Variants in GTF2A1L observed in about 807,000 individuals in gnomAD.
The protein encoded by GTF2A1L is general transcription factor IIA subunit 1 like, also known as TFIIA-alpha and beta-like factor.
A neutral mutation model predicts 49.7 loss-of-function variants in GTF2A1L; 48 were observed. The observed-to-expected ratio is 0.97, with a 90% CI of 0.77 to 1.23. The LOEUF is 1.23. Ranked by LOEUF, GTF2A1L falls within the 50% of genes most tolerant of loss-of-function variation. The pLI, the probability that GTF2A1L is intolerant of heterozygous loss-of-function variation, is 0.00. For synonymous variants in GTF2A1L, 246 were observed against 193.5 expected, an observed-to-expected ratio of 1.27 and a Z score of -2.25; for missense variants, 736 against 564.8, an observed-to-expected ratio of 1.30 and a Z score of -3.07.
At chr2:48,671,744 A>C in intron 8 of GTF2A1L, 64 bp downstream of exon 8, 1 of 1,415,802 alleles carries the variant, frequency 7.1e-7, no homozygotes. Flanking sequence ...AGGTATGTAA[A>C]ATGATGGGAA....
At chr2:48,630,923 T>A (rs2104106842) in intron 3 of GTF2A1L, among the ~76,000 whole-genome samples, 1 of 152,326 alleles carries the variant, frequency 6.6e-6, no homozygotes, top group Admixed American at 6.5e-5. Flanking sequence ...AAATCATATT[T>A]ATTGATTTGC....
chr2:48,668,441 C>A (rs774429859), intron 6 of GTF2A1L: 1 of 152,014 alleles, frequency 6.6e-6, no homozygotes, highest in African/African-American at 2.4e-5. Context: ...ATAAAACAGC[C>A]CCTGATCTTA....
chr2:48,635,340 G>C (rs1187016741), intron 3 of GTF2A1L, among the ~76,000 whole-genome samples: 1 of 152,194 alleles, frequency 6.6e-6, no homozygotes, highest in Non-Finnish European at 1.5e-5. Flanking sequence ...GCATGGAGTG[G>C]AGATGACCCT....
intron 6 of GTF2A1L, among the ~76,000 whole-genome samples, chr2:48,665,525 T>G (rs572997363): frequency 6.6e-6 from 1 of 152,242 alleles, no homozygotes; most frequent in East Asian, 1.9e-4. Flanking sequence ...TGTTTTCATT[T>G]GCATTCAATT....
intron 6 of GTF2A1L, among the ~76,000 whole-genome samples, chr2:48,664,294 G>A (rs573723673): frequency 2.8e-4 from 42 of 151,734 alleles, no homozygotes; most frequent in South Asian, 8.3e-4. Context: ...TTATCAGATG[G>A]AAACAGTTTT....
At chr2:48,640,745 G>C (rs1174342730) in intron 3 of GTF2A1L, among the ~76,000 whole-genome samples, 1 of 152,036 alleles carries the variant, frequency 6.6e-6, no homozygotes, top group African/African-American at 2.4e-5. Flanking sequence ...CCAAAGTTAT[G>C]ACACTTTTAG....
chr2:48,626,912 A>G lies in GTF2A1L; in HGVS notation c.247+5622A>G, dbSNP rs188448297. ...TTTTTAAGATGCTATTGTAAATGAG[A>G]TTGTTTTTATGATTTTTTGGATAGG... On this transcript the variant is annotated intron_variant, in intron 3 of 8. Coordinates refer to ENST00000403751, the MANE Select transcript of GTF2A1L (RefSeq NM_006872.5). 4.0e-4 allele frequency among the ~76,000 whole-genome samples: 58 copies of G among 143,824 alleles called. 7 individuals are homozygous for G. In the Admixed American group the frequency reaches 4.1e-3, roughly 10 times the overall value. 94.4% of individuals were successfully genotyped at this position (143,824 alleles called of 152,430 possible).
At chr2:48,648,567 G>C (rs1468700778) in intron 6 of GTF2A1L, among the ~76,000 whole-genome samples, 1 of 151,994 alleles carries the variant, frequency 6.6e-6, no homozygotes, top group Admixed American at 6.6e-5. Flanking sequence ...CAAATTCTAG[G>C]TTCACTACTT....
intron 3 of GTF2A1L, among the ~76,000 whole-genome samples, chr2:48,623,392 A>T (rs950580586): frequency 1.3e-5 from 2 of 152,194 alleles, no homozygotes; most frequent in Non-Finnish European, 2.9e-5. Context: ...GTCTCACACT[A>T]GTCAGAATGG....
chr2:48,632,217 G>C (rs997437344), intron 3 of GTF2A1L: 1 of 152,040 alleles, frequency 6.6e-6, no homozygotes, highest in Non-Finnish European at 1.5e-5. Flanking sequence ...TCCCTCTATA[G>C]AAGTTATCTA....
chr2:48,631,130 C>T (rs1676545511), intron 3 of GTF2A1L, among the ~76,000 whole-genome samples: 1 of 152,114 alleles, frequency 6.6e-6, no homozygotes, highest in East Asian at 1.9e-4. Flanking sequence ...ACGCTGGCTT[C>T]ATAGAATGAG....
intron 6 of GTF2A1L, among the ~76,000 whole-genome samples, chr2:48,649,885 C>T (rs538747450): frequency 2.0e-5 from 3 of 152,200 alleles, no homozygotes; most frequent in Non-Finnish European, 4.4e-5. Flanking sequence ...AACACCAAAC[C>T]GTGAGTGATT....
chr2:48,646,506 G>T lies in GTF2A1L; in HGVS notation c.442G>T (p.Ala148Ser), dbSNP rs2104199712. Residue 148 changes from alanine to serine, a missense_variant, in exon 6 of 9, where the codon GCA (alanine) becomes TCA (serine). Ala to Ser is a moderately conservative substitution (Grantham distance 99). Transcript: ENST00000403751. ...TATGGTGACAGAGACTTCTGGAAGA[G>T]CAGGTATTCTTCAGCATCCAATTCA... The part of the protein sequence containing the change: ...PIMVTETSGR[A>S]GILQHPIQQV... The T allele has an allele frequency of 5.0e-6, 8 of 1,613,786 alleles. No individual in the cohort carries two copies. The highest frequency in any genetic ancestry group is 5.9e-6 in the Non-Finnish European group (7 of 1,179,966).
intron 6 of GTF2A1L, 141 bp downstream of exon 6, chr2:48,647,183 T>C (rs1037529476): frequency 3.6e-6 from 3 of 831,052 alleles, no homozygotes; most frequent in Non-Finnish European, 5.2e-6. Context: ...TTCTTTTTTC[T>C]AGTGATTTAA....
At chr2:48,621,445 C>A in intron 3 of GTF2A1L, 155 bp downstream of exon 3, 1 of 964,898 alleles carries the variant, frequency 1.0e-6, no homozygotes, top group Non-Finnish European at 1.4e-6. Context: ...AATCATTGCC[C>A]CATGTAATTA....
intron 3 of GTF2A1L, among the ~76,000 whole-genome samples, chr2:48,639,904 T>A (rs1241360466): frequency 1.3e-5 from 2 of 152,128 alleles, no homozygotes; most frequent in East Asian, 3.8e-4. Context: ...ACAGACACTT[T>A]TCAAAAGAAG....
intron 6 of GTF2A1L, among the ~76,000 whole-genome samples, chr2:48,648,445 A>G (rs1677659309): frequency 6.6e-6 from 1 of 152,008 alleles, no homozygotes; most frequent in African/African-American, 2.4e-5. Flanking sequence ...TATGTATTGT[A>G]TGTCATCATG....
chr2:48,669,740 G>A lies in GTF2A1L; in HGVS notation c.997G>A (p.Asp333Asn). Residue 333 changes from aspartate (D) to asparagine (N), a missense_variant, in exon 7 of 9, where the codon GAT becomes AAT. Transcript: ENST00000403751. The part of the protein sequence containing the change: ...VSEKDSNSQV[D>N]LSIRVTDDDI... Reference sequence around the variant, plus strand: ...TTTTTAGGATTCTAATTCTCAGGTGGATTTAAGCATTCGGGTTACTGATGA... The same window carrying A: ...TTTTTAGGATTCTAATTCTCAGGTGAATTTAAGCATTCGGGTTACTGATGA... The A allele has an allele frequency of 6.2e-7, 1 of 1,610,926 alleles. No homozygotes were observed. The highest frequency in any genetic ancestry group is 8.5e-7 in the Non-Finnish European group (1 of 1,178,004).
chr2:48,641,117 GC>G (rs1457612643), intron 3 of GTF2A1L, among the ~76,000 whole-genome samples: 1 of 152,054 alleles, frequency 6.6e-6, no homozygotes, highest in African/African-American at 2.4e-5. Flanking sequence ...TCATTTAATT[GC>G]TTTAGACAAT....
Sources: gnomAD v4.1 joint callset for allele counts (sites outside exome capture counted in the v4.1 genomes callset) on GRCh38, gnomAD v4.1.1 for gene constraint, MANE v1.5 for transcripts, NCBI Gene and HGNC (gene_info 2026-07-23, HGNC 2026-07-21) for gene names.